The following BCL11B variants were observed in gnomAD, a reference collection of about 807,000 sequenced individuals.
BCL11B encodes the protein B-cell lymphoma/leukemia 11B.
Under a neutral mutation model 49.9 loss-of-function variants are expected in BCL11B, and 8 were observed. The ratio of observed to expected loss-of-function variants is 0.16; its 90% confidence interval spans 0.09 to 0.29. The LOEUF is 0.29. BCL11B is among the 10% of genes least tolerant of loss of function. The pLI is 1.00. For missense variants in BCL11B, 1,006 were observed against 1,351.0 expected (o/e 0.74, Z 4.00); for synonymous variants, 739 against 637.4 (o/e 1.16, Z -2.40).
rs771591268 is a variant in BCL11B, at chr14:99,205,694, G to GAGT, written c.640+25648_640+25650dup. 2.9e-4 allele frequency among the ~76,000 whole-genome samples: 44 copies of GAGT among 152,254 alleles called. No individual in the cohort carries two copies. The highest frequency in any genetic ancestry group is 3.4e-4 in the Non-Finnish European group (23 of 68,016). On this transcript the variant is annotated intron_variant, in intron 3 of 3. Coordinates refer to ENST00000357195, the MANE Select transcript of BCL11B (RefSeq NM_138576.4). This position sits in a 1 kb window ranked among gnomAD's most constrained non-coding sequence, Gnocchi z 5.0. Reference sequence around the variant, plus strand: ...TCAGGAATATGTAAATAAACAAACAGAGTACGTGGTAAGGAGCAGAATTCC... The same window carrying GAGT: ...TCAGGAATATGTAAATAAACAAACAGAGTAGTACGTGGTAAGGAGCAGAATTCC...
At chr14:99,206,138 C>T (rs1887527494) in intron 3 of BCL11B, among the ~76,000 whole-genome samples, 1 of 152,172 alleles carries the variant, frequency 6.6e-6, no homozygotes, top group African/African-American at 2.4e-5. Flanking sequence ...AGATCTCAGC[C>T]TCCAACAGGG....
chr14:99,245,659 C>G (rs770801100), intron 2 of BCL11B, among the ~76,000 whole-genome samples: 2 of 142,412 alleles, frequency 1.4e-5, no homozygotes, highest in East Asian at 2.1e-4. Context: ...CGAATGCCAC[C>G]CCGGCGAAGC....
intron 1 of BCL11B, among the ~76,000 whole-genome samples, chr14:99,270,152 C>G (rs1265640532): frequency 6.6e-6 from 1 of 152,022 alleles, no homozygotes; most frequent in Admixed American, 6.5e-5. Context: ...TGTCTTGCCC[C>G]GCTGCCTGAC....
At chr14:99,237,621 C>A (rs76927979) in intron 2 of BCL11B, among the ~76,000 whole-genome samples, 4 of 152,072 alleles carry the variant, frequency 2.6e-5, no homozygotes, top group Non-Finnish European at 4.4e-5. Flanking sequence ...CTTGTTGCCA[C>A]GGGTTTTGGC....
chr14:99,176,185 C>T lies in BCL11B; in HGVS notation c.651G>A (p.Glu217=). 1 of 1,611,274 alleles carries T rather than the reference C, an allele frequency of 6.2e-7. No individual in the cohort carries two copies. The change falls in exon 4 of 4, where the codon GAG becomes GAA. Residue 217 remains glutamate (E), a synonymous_variant. Coordinates refer to ENST00000357195, the MANE Select transcript of BCL11B (RefSeq NM_138576.4). Reference sequence around the variant, plus strand: ...ATGTTGTGCAAATGTAGCTGGAAGGCTCATCTTTACCTGGGGAAACACACG... The same window carrying T: ...ATGTTGTGCAAATGTAGCTGGAAGGTTCATCTTTACCTGGGGAAACACACG... ...GCQCQLSGKD[E]PSSYICTTCK...
At chr14:99,243,858 T>C (rs1888740757) in intron 2 of BCL11B, among the ~76,000 whole-genome samples, 1 of 150,314 alleles carries the variant, frequency 6.7e-6, no homozygotes, top group Admixed American at 6.7e-5. Flanking sequence ...CACTGGTATT[T>C]CAACATGATC....
In BCL11B at chr14:99,175,026, G is replaced by A. The variant is rs1024245996; in HGVS notation, c.1810C>T (p.Leu604=). The change falls in exon 4 of 4, where the codon CTA becomes TTA. Residue 604 remains leucine (L), a synonymous_variant. Transcript: ENST00000357195. Reference sequence around the variant, plus strand: ...TCGCCGTACTGCGGCAGTGCGCCTAGGCCCACGTTCTCCATGACCTTGCCC... The same window carrying A: ...TCGCCGTACTGCGGCAGTGCGCCTAAGCCCACGTTCTCCATGACCTTGCCC... The part of the protein sequence containing the change: ...VLGKVMENVG[L]GALPQYGELL... 5 of 1,595,674 alleles carry A rather than the reference G, an allele frequency of 3.1e-6. No individual in the cohort carries two copies. The African/African-American group carries it at 6.7e-5, about 21-fold the overall frequency.
chr14:99,269,302 G>C (rs1889578706), intron 1 of BCL11B, among the ~76,000 whole-genome samples: 1 of 152,158 alleles, frequency 6.6e-6, no homozygotes, highest in Non-Finnish European at 1.5e-5. Context: ...TGTAGAATAA[G>C]CGATTGCTGT....
chr14:99,225,920 C>T (rs773283467), intron 3 of BCL11B, among the ~76,000 whole-genome samples: 1 of 152,216 alleles, frequency 6.6e-6, no homozygotes, highest in Non-Finnish European at 1.5e-5. Context: ...GGGGGGCTTG[C>T]AGCTCTCCAT....
intron 2 of BCL11B, among the ~76,000 whole-genome samples, chr14:99,237,069 G>T (rs1199167448): frequency 6.6e-6 from 1 of 151,624 alleles, no homozygotes; most frequent in Admixed American, 6.6e-5. Flanking sequence ...GGGGGGCTGT[G>T]GGGGGTGTAG....
chr14:99,172,146 C>A lies in BCL11B; in HGVS notation c.*2005G>T, dbSNP rs1215074478. 3 of 219,908 alleles carry A rather than the reference C, an allele frequency of 1.4e-5. No homozygotes were observed. The highest frequency in any genetic ancestry group is 2.7e-5 in the Non-Finnish European group (3 of 109,546). The allele number at this position is 219,908 out of a possible 1,614,324, so 13.6% of individuals were successfully genotyped here. On this transcript the variant is annotated 3_prime_UTR_variant, in exon 4 of 4. Coordinates refer to ENST00000357195, the MANE Select transcript of BCL11B (RefSeq NM_138576.4). ...TTAAGACAGAGTGCACTAAATTTAA[C>A]TTTAGAAAAAATTAGCCGTTGTTCC...
chr14:99,271,139 C>T (rs772039775), intron 1 of BCL11B, 22 bp downstream of exon 1: 1 of 1,538,954 alleles, frequency 6.5e-7, no homozygotes. Flanking sequence ...CGGCCCCTCG[C>T]GCGCACTCCG....
intron 2 of BCL11B, among the ~76,000 whole-genome samples, chr14:99,246,693 C>A (rs1888852405): frequency 6.7e-6 from 1 of 148,330 alleles, no homozygotes; most frequent in South Asian, 2.2e-4. Flanking sequence ...CTATGGACCC[C>A]AACCATTGAG....
chr14:99,251,918 G>C (rs1425156954), intron 2 of BCL11B, among the ~76,000 whole-genome samples: 1 of 152,194 alleles, frequency 6.6e-6, no homozygotes, highest in Non-Finnish European at 1.5e-5. Context: ...ACTCTGCTTT[G>C]CTGTGTGACC....
Position 99,262,480 on chromosome 14 carries a change from G to A in BCL11B, c.59-4641C>T, listed in dbSNP as rs143712789. On this transcript the variant is annotated intron_variant, in intron 1 of 3. Coordinates refer to ENST00000357195, the MANE Select transcript of BCL11B (RefSeq NM_138576.4). The surrounding 1 kb of genome is among the most constrained non-coding windows in gnomAD (Gnocchi z 4.2). ...ACAGAATTATTGTTTCAGTGATGACGGGGGTGGGAAAGGGAAGGATGTGGG... is the reference window on the plus strand; with the variant it reads ...ACAGAATTATTGTTTCAGTGATGACAGGGGTGGGAAAGGGAAGGATGTGGG... Among the ~76,000 whole-genome samples the A allele has an allele frequency of 6.4e-4, 98 of 152,266 alleles. No homozygotes were observed. The highest frequency in any genetic ancestry group is 9.7e-4 in the Non-Finnish European group (66 of 68,020).
chr14:99,193,071 ATCAGCCACCGTGG>A (rs1887083873), intron 3 of BCL11B, among the ~76,000 whole-genome samples: 1 of 152,202 alleles, frequency 6.6e-6, no homozygotes, highest in Admixed American at 6.5e-5. Flanking sequence ...TCTGTCACTG[ATCAGCCACCGTGG>A]TCAGCCACTG....
At chr14:99,250,364 G>A (rs1888973402) in intron 2 of BCL11B, among the ~76,000 whole-genome samples, 1 of 149,534 alleles carries the variant, frequency 6.7e-6, no homozygotes, top group Non-Finnish European at 1.5e-5. Context: ...GGAGGCAGAG[G>A]TTTTGGTGAG....
At chr14:99,210,736 C>A (rs949798718) in intron 3 of BCL11B, among the ~76,000 whole-genome samples, 2 of 152,210 alleles carry the variant, frequency 1.3e-5, no homozygotes. Flanking sequence ...AAAGCCAGAT[C>A]CAGGAAAGCA....
In BCL11B at chr14:99,170,948, AGGT is replaced by A. The variant is rs1886269580; in HGVS notation, c.*3200_*3202del. 3 of 232,510 alleles carry A rather than the reference AGGT, an allele frequency of 1.3e-5. No homozygotes were observed. Among genetic ancestry groups the A allele is most frequent in the Admixed American group, 5.6e-5 (1 of 17,774 alleles). 14.4% of individuals were successfully genotyped at this position (232,510 alleles called of 1,614,324 possible). A position where few individuals can be genotyped will look rare whatever the true frequency, so the allele number is the denominator to read the frequency against. ...TGCTTTCTGCTGGTAAGGGCGGGAG[AGGT>A]GGTGGTGGTGACCGCCACAGGAGTG... is the stretch of plus-strand genomic sequence containing the variant. On this transcript the variant is annotated 3_prime_UTR_variant, in exon 4 of 4. Transcript: ENST00000357195.
Sources: gnomAD v4.1 joint callset for allele counts (sites outside exome capture counted in the v4.1 genomes callset) on GRCh38, gnomAD v4.1.1 for gene constraint, Gnocchi (gnomAD v3.1) non-coding constraint, MANE v1.5 for transcripts, NCBI Gene and HGNC (gene_info 2026-07-23, HGNC 2026-07-21) for gene names.